CCNB3: variants seen among roughly 807,000 people sequenced by gnomAD.
CCNB3 encodes cyclin B3.
CCNB3 carries 12 observed loss-of-function variants against 68.0 expected under a neutral mutation model. The ratio of observed to expected loss-of-function variants is 0.18; its 90% CI spans 0.11 to 0.29. The LOEUF is 0.29. Ranked by LOEUF, CCNB3 falls within the 10% of genes least tolerant of loss-of-function variation. The probability of loss-of-function intolerance (pLI) is 1.00; values close to 1 mark genes in which losing one functional copy is unlikely to be tolerated. For synonymous variants in CCNB3, 354 were observed against 388.9 expected (o/e 0.91, Z 1.06); for missense variants, 904 against 993.1 (o/e 0.91, Z 1.21).
chrX:50,314,655 G>A (rs930382736), intron 8 of CCNB3, among the ~76,000 whole-genome samples: 1 of 111,710 alleles, frequency 9.0e-6, no homozygotes, highest in Non-Finnish European at 1.9e-5. Flanking sequence ...GACAGACCAA[G>A]GAATTGTGGT....
chrX:50,224,342 G>A (rs1368137032), intron 1 of CCNB3, among the ~76,000 whole-genome samples: 1 of 111,089 alleles, frequency 9.0e-6, no homozygotes, highest in Non-Finnish European at 1.9e-5. Context: ...GAGTTTATGA[G>A]AATGTTGTAT....
intron 1 of CCNB3, among the ~76,000 whole-genome samples, chrX:50,211,270 A>AAAAAC (rs1293004079): frequency 1.2e-4 from 13 of 111,683 alleles, no homozygotes; most frequent in Admixed American, 2.8e-4. Flanking sequence ...CTCAAAAGAA[A>AAAAAC]AAAACAAAAC....
chrX:50,293,451 T>C (rs965462224), intron 4 of CCNB3, among the ~76,000 whole-genome samples: 5 of 111,281 alleles, frequency 4.5e-5, no homozygotes, highest in African/African-American at 1.3e-4. Context: ...CTTTTAGTCA[T>C]GATGTTAGGT....
At chrX:50,298,820 T>G (rs782095635) in intron 5 of CCNB3, among the ~76,000 whole-genome samples, 9 of 111,753 alleles carry the variant, frequency 8.1e-5, no homozygotes, top group African/African-American at 2.3e-4. Flanking sequence ...GTCTGTTATT[T>G]GTCTATTCAG....
rs1923101597 is a variant in CCNB3, at chrX:50,341,082, C to G, written c.3517-1120C>G. On this transcript the variant is annotated intron_variant, in intron 8 of 12. Coordinates refer to ENST00000376042, the MANE Select transcript of CCNB3 (RefSeq NM_033031.3). Reference sequence around the variant, plus strand: ...TGGTGGCTCACACCTATAATCCCAGCACTTTGGGAGGCCAAGGCAGGTGGA... The same window carrying G: ...TGGTGGCTCACACCTATAATCCCAGGACTTTGGGAGGCCAAGGCAGGTGGA... Among the ~76,000 whole-genome samples, 3 of 111,371 alleles carry G rather than the reference C, an allele frequency of 2.7e-5. No homozygotes were observed. In the Admixed American group the frequency reaches 2.8e-4, roughly 11 times the overall value.
At chrX:50,205,450 A>G (rs1359897007) in intron 1 of CCNB3, among the ~76,000 whole-genome samples, 4 of 111,083 alleles carry the variant, frequency 3.6e-5, no homozygotes, top group African/African-American at 1.3e-4. Context: ...CAAAAGAAAA[A>G]AAAAACTTAA....
chrX:50,298,537 T>C (rs1936536004), intron 5 of CCNB3, among the ~76,000 whole-genome samples: 1 of 112,117 alleles, frequency 8.9e-6, no homozygotes, highest in African/African-American at 3.2e-5. Context: ...CTTTTGCCAG[T>C]ATTTTATTGA....
At position 50,308,662 on chromosome X, in the gene CCNB3, A is replaced by G; in HGVS notation, c.493A>G (p.Thr165Ala). Residue 165 changes from threonine (T) to alanine (A), a missense_variant, in exon 6 of 13, where the codon ACT becomes GCT. Physicochemically the swap from Thr to Ala is moderately conservative, Grantham distance 58 (BLOSUM62 0). Transcript: ENST00000376042. ...GCCATTAGTTTTAAAGGAGGAACCC[A>G]CTATTGAGGATGAAACCCTTATCAA... ...RKPLVLKEEP[T>A]IEDETLINKS... 8.3e-7 allele frequency: 1 copy of G among 1,210,752 alleles called. No homozygotes were observed. The highest frequency in any genetic ancestry group is 2.2e-5 in the Admixed American group (1 of 45,971).
At chrX:50,227,194 A>C (rs1306049772) in intron 1 of CCNB3, among the ~76,000 whole-genome samples, 1 of 83,278 alleles carries the variant, frequency 1.2e-5, no homozygotes, top group Non-Finnish European at 2.2e-5. Context: ...ATAAATATAT[A>C]TAGAGAATAT....
chrX:50,351,112 A>T, intron 11 of CCNB3, 129 bp from the exon 12 acceptor site: 1 of 699,675 alleles, frequency 1.4e-6, no homozygotes, highest in Non-Finnish European at 2.2e-6. Context: ...AGATGGTGTG[A>T]GTCTTTGAAA....
rs2147063061 is a variant in CCNB3, at chrX:50,310,785, C to T, written c.2616C>T (p.Ala872=). Residue 872 remains alanine (A), a synonymous_variant, in exon 6 of 13, where the codon GCC becomes GCT. Coordinates refer to ENST00000376042, the MANE Select transcript of CCNB3 (RefSeq NM_033031.3). ...AGAAGCCCAGCATTGAGCAGGAGGC[C>T]CTCTTTAAGCGACACTCAGCTTTGT... ...LQEKPSIEQE[A]LFKRHSALWE... is the part of the protein sequence containing the mutation. The T allele has an allele frequency of 8.3e-7, 1 of 1,210,753 alleles. No individual in the cohort carries two copies. The highest frequency in any genetic ancestry group is 1.1e-6 in the Non-Finnish European group (1 of 895,199).
rs921233581 is a variant in CCNB3 at position 50,343,155 on chromosome X, T to A, written c.3654+816T>A. The stretch of plus-strand genomic sequence containing the variant: ...ATTATGACCCCTGAAGAACTTCCAA[T>A]GGGACAAGATGTGGAGGTGGAAGAC... On this transcript the variant is annotated intron_variant, in intron 9 of 12. Transcript: ENST00000376042. 4.5e-5 allele frequency among the ~76,000 whole-genome samples: 5 copies of A among 111,958 alleles called. No individual in the cohort carries two copies. In the East Asian group the frequency reaches 1.4e-3, roughly 31 times the overall value.
intron 5 of CCNB3, among the ~76,000 whole-genome samples, chrX:50,307,696 CT>C (rs1557213752): frequency 9.0e-6 from 1 of 110,828 alleles, no homozygotes; most frequent in African/African-American, 3.3e-5. Context: ...ACTCCTACCC[CT>C]GTCCCAGCCT....
At chrX:50,313,158 A>G (rs1225066798) in intron 7 of CCNB3, among the ~76,000 whole-genome samples, 1 of 110,807 alleles carries the variant, frequency 9.0e-6, no homozygotes, top group Non-Finnish European at 1.9e-5. Context: ...ACTAATATTC[A>G]TCAATTCCAA....
At chrX:50,228,577 AAT>A (rs1456489014) in intron 1 of CCNB3, among the ~76,000 whole-genome samples, 2 of 86,509 alleles carry the variant, frequency 2.3e-5, no homozygotes, top group South Asian at 1.0e-3. Context: ...TAATATATAG[AAT>A]ATATATAGAA....
At position 50,310,528 on chromosome X, in the gene CCNB3, G is replaced by A; in HGVS notation, c.2359G>A (p.Gly787Arg). 2 of 1,211,091 alleles carry A rather than the reference G, an allele frequency of 1.7e-6. No homozygotes were observed. The highest frequency in any genetic ancestry group is 2.2e-6 in the Non-Finnish European group (2 of 895,086). Residue 787 changes from glycine (G) to arginine (R), a missense_variant, in exon 6 of 13, where the codon GGG (glycine) becomes AGG (arginine). This residue lies in a region of CCNB3 where 619 missense variants were observed against 609.8 expected (regional missense o/e 1.02). Coordinates refer to ENST00000376042, the MANE Select transcript of CCNB3 (RefSeq NM_033031.3). ...TAATAAGCAGCCACTGGCCTTGGAG[G>A]GGTATCCCAGCATTGCGGAGGGGGA... is the stretch of plus-strand genomic sequence containing the variant. ...FLNKQPLALE[G>R]YPSIAEGETL...
chrX:50,279,700 G>A (rs1325020152), intron 1 of CCNB3, among the ~76,000 whole-genome samples: 1 of 87,663 alleles, frequency 1.1e-5, no homozygotes, highest in African/African-American at 4.3e-5. Context: ...AAACATATAT[G>A]TGAATATGTA....
At chrX:50,345,249 CTCCTCCCTTCCTCCTGCTTT>C (rs1557220140) in intron 9 of CCNB3, among the ~76,000 whole-genome samples, 1 of 109,060 alleles carries the variant, frequency 9.2e-6, no homozygotes, top group African/African-American at 3.3e-5. Context: ...TGCTTGCTCC[CTCCTCCCTTCCTCCTGCTTT>C]TCCTCCCTTG....
chrX:50,213,940 C>T lies in CCNB3; in HGVS notation c.-113+8990C>T, dbSNP rs1315730867. ...CATATATTTAATGTGTATAATTTGA[C>T]GAACTTGTTCATATATAAACACTCA... On this transcript the variant is annotated intron_variant, in intron 1 of 12. Transcript: ENST00000376042. Among the ~76,000 whole-genome samples, 7 of 111,624 alleles carry T rather than the reference C, an allele frequency of 6.3e-5. No homozygotes were observed. The East Asian group carries it at 1.1e-3, about 18-fold the overall frequency.
Sources: allele counts gnomAD v4.1 joint callset (sites outside exome capture counted in the v4.1 genomes callset), GRCh38; gene constraint gnomAD v4.1.1; regional missense constraint gnomAD v4.1.1; transcripts MANE v1.5; gene names NCBI Gene and HGNC (gene_info 2026-07-23, HGNC 2026-07-21).